The following MTOR variants were observed in gnomAD, a reference collection of about 807,000 sequenced individuals.
The protein encoded by MTOR is serine/threonine-protein kinase mTOR.
MTOR carries 70 observed loss-of-function variants against 319.8 expected under a neutral mutation model. The ratio of observed to expected loss-of-function variants is 0.22; its 90% CI spans 0.18 to 0.27. MTOR has a LOEUF of 0.27. Among genes scored for constraint, MTOR ranks in the 10% least tolerant of loss-of-function variants. The pLI, the probability that MTOR is intolerant of heterozygous loss-of-function variation, is 1.00. For synonymous variants in MTOR, 1,183 were observed against 1,211.4 expected, an observed-to-expected ratio of 0.98 and a Z score of 0.49; for missense variants, 1,890 against 3,274.4, an observed-to-expected ratio of 0.58 and a Z score of 10.32.
chr1:11,109,326 T>C lies in MTOR; in HGVS notation c.7492A>G (p.Ile2498Val), dbSNP rs768045892. The change falls in exon 56 of 58, where the codon ATC (isoleucine) becomes GTC (valine). Residue 2498 changes from isoleucine (I) to valine (V), a missense_variant. Physicochemically the swap from Ile to Val is conservative, Grantham distance 29 (BLOSUM62 3). Coordinates refer to ENST00000361445, the MANE Select transcript of MTOR (RefSeq NM_004958.4). This position sits in a 1 kb window ranked among gnomAD's most constrained non-coding sequence, Gnocchi z 4.0. The stretch of plus-strand genomic sequence containing the variant: ...TCTCGAACCCTGTTAATAATCTGGA[T>C]AGCTTTCTTATTTAGGGCCTCTGGT... ...VKPEALNKKA[I>V]QIINRVRDKL... The C allele has an allele frequency of 6.2e-7, 1 of 1,614,200 alleles. No homozygotes were observed. The highest frequency in any genetic ancestry group is 8.5e-7 in the Non-Finnish European group (1 of 1,180,038).
chr1:11,182,842 A>ATACCACCATTTACC (rs1252537162), intron 28 of MTOR, among the ~76,000 whole-genome samples: 3 of 152,240 alleles, frequency 2.0e-5, no homozygotes, highest in African/African-American at 7.2e-5. Flanking sequence ...CGGTGTGAAT[A>ATACCACCATTTACC]TACCACCATT....
intron 30 of MTOR, among the ~76,000 whole-genome samples, chr1:11,152,185 T>C (rs1270873291): frequency 1.3e-5 from 2 of 152,284 alleles, no homozygotes; most frequent in East Asian, 3.9e-4. Flanking sequence ...GGCGGTTGGG[T>C]GAGGGGCAAA....
At chr1:11,117,421 A>G (rs926208014) in intron 49 of MTOR, among the ~76,000 whole-genome samples, 11 of 152,182 alleles carry the variant, frequency 7.2e-5, no homozygotes, top group Middle Eastern at 3.2e-3. Context: ...TCGGCCTCCC[A>G]AAATGCTGGG....
At chr1:11,210,561 G>T (rs1366573800) in intron 24 of MTOR, among the ~76,000 whole-genome samples, 1 of 152,218 alleles carries the variant, frequency 6.6e-6, no homozygotes, top group Non-Finnish European at 1.5e-5. Flanking sequence ...ATCAAATTTA[G>T]GTGTCCATAA....
At chr1:11,132,780 T>G (rs903223267) in intron 38 of MTOR, 1 of 283,558 alleles carries the variant, frequency 3.5e-6, no homozygotes, top group Non-Finnish European at 6.6e-6. Context: ...ATTAACCATG[T>G]GTCCAGATGC....
chr1:11,123,715 T>C (rs1285876906), intron 47 of MTOR, among the ~76,000 whole-genome samples: 2 of 152,048 alleles, frequency 1.3e-5, no homozygotes, highest in East Asian at 3.9e-4. Context: ...GCAATCCTCC[T>C]GCTGTAGCCT....
Position 11,129,235 on chromosome 1 carries a change from G to C in MTOR, c.5715-284C>G, listed in dbSNP as rs1642997197. ...AACAGACGAGCCAGGATAACCTTTAGAAAGCCACAAGTCTGCACATGTAAG... is the reference window on the plus strand; with the variant it reads ...AACAGACGAGCCAGGATAACCTTTACAAAGCCACAAGTCTGCACATGTAAG... On this transcript the variant is annotated intron_variant, in intron 40 of 57. Transcript: ENST00000361445. This position sits in a 1 kb window ranked among gnomAD's most constrained non-coding sequence, Gnocchi z 4.7. Among the ~76,000 whole-genome samples the C allele has an allele frequency of 1.3e-5, 2 of 152,212 alleles. No individual in the cohort carries two copies. The highest frequency in any genetic ancestry group is 2.1e-4 in the South Asian group (1 of 4,834).
intron 6 of MTOR, among the ~76,000 whole-genome samples, chr1:11,253,550 C>T (rs1649975922): frequency 6.6e-6 from 1 of 152,126 alleles, no homozygotes; most frequent in African/African-American, 2.4e-5. Context: ...ACACAGTCCC[C>T]CGGCCTGCTG....
At chr1:11,200,599 C>A (rs1393405043) in intron 26 of MTOR, among the ~76,000 whole-genome samples, 1 of 152,088 alleles carries the variant, frequency 6.6e-6, no homozygotes, top group Non-Finnish European at 1.5e-5. Flanking sequence ...TGCCTCTATA[C>A]CTATTTTCTG....
At chr1:11,214,507 C>A (rs1488366567) in intron 20 of MTOR, among the ~76,000 whole-genome samples, 3 of 151,634 alleles carry the variant, frequency 2.0e-5, no homozygotes, top group Non-Finnish European at 4.4e-5. Context: ...ATAATAGAAA[C>A]CCTACTAATG....
chr1:11,129,038 A>T lies in MTOR; in HGVS notation c.5715-87T>A. On this transcript the variant is annotated intron_variant, in intron 40 of 57. Coordinates refer to ENST00000361445, the MANE Select transcript of MTOR (RefSeq NM_004958.4). The surrounding 1 kb of genome is among the most constrained non-coding windows in gnomAD (Gnocchi z 4.7). ...TCATCTCTAAGGCTCCTGAGAAGAGAGCTGGCAGGGACTCCAACCAGTAAC... is the reference window on the plus strand; with the variant it reads ...TCATCTCTAAGGCTCCTGAGAAGAGTGCTGGCAGGGACTCCAACCAGTAAC... 1 of 1,124,062 alleles carries T rather than the reference A, an allele frequency of 8.9e-7. No homozygotes were observed. Among genetic ancestry groups the T allele is most frequent in the South Asian group, 1.3e-5 (1 of 74,082 alleles). 69.6% of individuals were successfully genotyped at this position (1,124,062 alleles called of 1,614,324 possible).
chr1:11,178,290 T>C (rs1460032288), intron 28 of MTOR, among the ~76,000 whole-genome samples: 1 of 152,164 alleles, frequency 6.6e-6, no homozygotes, highest in Non-Finnish European at 1.5e-5. Context: ...CATCTCCTGG[T>C]TGGATATAGG....
intron 3 of MTOR, 122 bp from the exon 4 acceptor site, chr1:11,257,287 G>C (rs967760225): frequency 4.8e-6 from 4 of 826,060 alleles, no homozygotes; most frequent in African/African-American, 3.5e-5. Flanking sequence ...TGTAATCCTA[G>C]CACTTTGGGA....
At chr1:11,208,400 G>T (rs72856922) in intron 25 of MTOR, among the ~76,000 whole-genome samples, 1 of 152,260 alleles carries the variant, frequency 6.6e-6, no homozygotes, top group African/African-American at 2.4e-5. Context: ...GCGTGAGCCC[G>T]TACACATGCA....
At chr1:11,164,715 CAG>C (rs1644588840) in intron 29 of MTOR, among the ~76,000 whole-genome samples, 1 of 152,076 alleles carries the variant, frequency 6.6e-6, no homozygotes, top group South Asian at 2.1e-4. Flanking sequence ...TTCCAATAAA[CAG>C]AAAAAGAGGG....
At chr1:11,190,318 A>C (rs1003123280) in intron 28 of MTOR, among the ~76,000 whole-genome samples, 3 of 152,220 alleles carry the variant, frequency 2.0e-5, no homozygotes, top group African/African-American at 7.2e-5. Context: ...ATTCCAAGGA[A>C]GCACCAAACT....
Position 11,242,757 on chromosome 1 carries a change from T to C in MTOR, c.1412+357A>G, listed in dbSNP as rs1010647453. Among the ~76,000 whole-genome samples, 6 of 152,196 alleles carry C rather than the reference T, an allele frequency of 3.9e-5. No homozygotes were observed. In the South Asian group the frequency reaches 1.0e-3, roughly 26 times the overall value. On this transcript the variant is annotated intron_variant, in intron 9 of 57. Transcript: ENST00000361445. ...CAGCGATGAGGAAAAAGATGACCCT[T>C]AGGTCCCTTCAGTTCCAGTCAAGGA...
At chr1:11,176,751 T>A (rs1437712045) in intron 28 of MTOR, among the ~76,000 whole-genome samples, 1 of 152,218 alleles carries the variant, frequency 6.6e-6, no homozygotes, top group Admixed American at 6.5e-5. Context: ...GAGATTCTCC[T>A]GTCACTTCTC....
chr1:11,120,251 C>T (rs1052638116), intron 49 of MTOR, among the ~76,000 whole-genome samples: 1 of 151,414 alleles, frequency 6.6e-6, no homozygotes, highest in Non-Finnish European at 1.5e-5. Context: ...GAAATGGGGT[C>T]TCACAGGCTA....
Sources: allele counts gnomAD v4.1 joint callset (sites outside exome capture counted in the v4.1 genomes callset), GRCh38; gene constraint gnomAD v4.1.1; non-coding constraint Gnocchi (gnomAD v3.1); transcripts MANE v1.5; gene names NCBI Gene and HGNC (gene_info 2026-07-23, HGNC 2026-07-21).